Variants in PPP2R1A observed in about 807,000 individuals in gnomAD.
The protein encoded by PPP2R1A is protein phosphatase 2 scaffold subunit Aalpha, also known as serine/threonine-protein phosphatase 2A 65 kDa regulatory subunit A alpha isoform.
PPP2R1A carries 15 observed loss-of-function variants against 67.1 expected under a neutral mutation model. The observed-to-expected ratio is 0.22, with a 90% CI of 0.15 to 0.34. The LOEUF (loss-of-function observed/expected upper bound fraction) is 0.34. Among genes scored for constraint, PPP2R1A ranks in the 10% least tolerant of loss-of-function variants. The probability of loss-of-function intolerance (pLI) is 1.00; values close to 1 mark genes in which losing one functional copy is unlikely to be tolerated. For missense variants in PPP2R1A, 369 were observed against 775.0 expected, an observed-to-expected ratio of 0.48 and a Z score of 6.22; for synonymous variants, 337 against 325.0, an observed-to-expected ratio of 1.04 and a Z score of -0.40.
rs1001214251 is a variant in PPP2R1A, at chr19:52,228,127, T to C, written c.*2146T>C. The C allele has an allele frequency of 1.3e-5, 2 of 152,178 alleles. No individual in the cohort carries two copies. Among genetic ancestry groups the C allele is most frequent in the South Asian group, 4.1e-4 (2 of 4,828 alleles). 9.4% of individuals were successfully genotyped at this position (152,178 alleles called of 1,614,324 possible). On this transcript the variant is annotated 3_prime_UTR_variant, in exon 15 of 15. Coordinates refer to ENST00000322088, the MANE Select transcript of PPP2R1A (RefSeq NM_014225.6). ...TATGGCTCAGAGGTGGGGTCTACAA[T>C]TGGACATGTGTATGTAGACAAGGCT... is the stretch of plus-strand genomic sequence containing the variant.
intron 3 of PPP2R1A, among the ~76,000 whole-genome samples, chr19:52,208,226 T>C (rs1033545621): frequency 2.0e-5 from 3 of 152,300 alleles, no homozygotes; most frequent in African/African-American, 4.8e-5. Flanking sequence ...TGGAGTGCAG[T>C]GGCGGGATCT....
Position 52,216,642 on chromosome 19 carries a change from C to T in PPP2R1A, c.1107C>T (p.Phe369=). 1 of 1,614,174 alleles carries T rather than the reference C, an allele frequency of 6.2e-7. No individual in the cohort carries two copies. The part of the protein sequence containing the change: ...DNTIEHLLPL[F]LAQLKDECPE... Reference sequence around the variant, plus strand: ...CCATCGAGCACCTCTTGCCCCTCTTCCTGGCTCAGCTGAAGGATGAGGTAA... The same window carrying T: ...CCATCGAGCACCTCTTGCCCCTCTTTCTGGCTCAGCTGAAGGATGAGGTAA... Residue 369 remains phenylalanine, a synonymous_variant, in exon 9 of 15, where the codon TTC becomes TTT. Transcript: ENST00000322088. This position sits in a 1 kb window ranked among gnomAD's most constrained non-coding sequence, Gnocchi z 4.3.
In PPP2R1A at chr19:52,220,969, C is replaced by T. The variant is rs1408716517; in HGVS notation, c.1364-10C>T. ...AAATCCCTGTCTCTCTCACCCTCAC[C>T]CTTCTGCAGTATATGCCATCCGCGA... On this transcript the variant is annotated splice_polypyrimidine_tract_variant and intron_variant, in intron 11 of 14. Transcript: ENST00000322088. 6.2e-7 allele frequency: 1 copy of T among 1,614,040 alleles called. No individual in the cohort carries two copies. The highest frequency in any genetic ancestry group is 8.5e-7 in the Non-Finnish European group (1 of 1,179,896).
intron 1 of PPP2R1A, among the ~76,000 whole-genome samples, chr19:52,192,144 A>G (rs1002729585): frequency 4.6e-5 from 7 of 152,058 alleles, no homozygotes; most frequent in African/African-American, 1.7e-4. Flanking sequence ...ACACGCCTGA[A>G]AGCAGAGGGC....
At position 52,222,258 on chromosome 19, in the gene PPP2R1A, C is replaced by A. The variant is rs963838926; in HGVS notation, c.1661+17C>A. On this transcript the variant is annotated intron_variant, in intron 13 of 14. Transcript: ENST00000322088. ...GGACAACAGGTGAGGTCTGGATACT[C>A]CCCCACACACTGGCAGGGGCTTCTT... The A allele has an allele frequency of 1.9e-6, 3 of 1,608,252 alleles. No homozygotes were observed. Among genetic ancestry groups the A allele is most frequent in the African/African-American group, 2.7e-5 (2 of 74,702 alleles).
intron 1 of PPP2R1A, among the ~76,000 whole-genome samples, chr19:52,196,938 T>C (rs1436334114): frequency 6.6e-6 from 1 of 152,210 alleles, no homozygotes; most frequent in Non-Finnish European, 1.5e-5. Flanking sequence ...TTGGATTTTA[T>C]TGGCCAGATG....
rs1224555880 is a variant in PPP2R1A, at chr19:52,227,845, T to G, written c.*1864T>G. On this transcript the variant is annotated 3_prime_UTR_variant, in exon 15 of 15. Coordinates refer to ENST00000322088, the MANE Select transcript of PPP2R1A (RefSeq NM_014225.6). Reference sequence around the variant, plus strand: ...TCAAAGTCTGACATTAAACTTTGACTTTCCCCATGGTTAACGCTGCTGGTC... The same window carrying G: ...TCAAAGTCTGACATTAAACTTTGACGTTCCCCATGGTTAACGCTGCTGGTC... 2.0e-5 allele frequency: 3 copies of G among 152,182 alleles called. No homozygotes were observed. The highest frequency in any genetic ancestry group is 4.4e-5 in the Non-Finnish European group (3 of 68,036). The allele number at this position is 152,182 out of a possible 1,614,324, so 9.4% of individuals were successfully genotyped here. A position where few individuals can be genotyped will look rare whatever the true frequency, so the allele number is the denominator to read the frequency against.
chr19:52,222,262 C>T (rs1978983968), intron 13 of PPP2R1A, 21 bp downstream of exon 13: 1 of 1,607,950 alleles, frequency 6.2e-7, no homozygotes, highest in East Asian at 2.2e-5. Context: ...GATACTCCCC[C>T]ACACACTGGC....
chr19:52,210,571 C>T (rs2089657283), intron 3 of PPP2R1A, among the ~76,000 whole-genome samples: 1 of 150,414 alleles, frequency 6.6e-6, no homozygotes, highest in South Asian at 2.1e-4. Context: ...CGGCTTACTG[C>T]AGCCTCTGCC....
At chr19:52,225,917 C>T in intron 14 of PPP2R1A, 48 bp from the exon 15 acceptor site, 1 of 1,614,150 alleles carries the variant, frequency 6.2e-7, no homozygotes, top group Non-Finnish European at 8.5e-7. Flanking sequence ...GCATTGTGGG[C>T]AGAGAGAGGG....
At chr19:52,195,343 C>G (rs1453600073) in intron 1 of PPP2R1A, among the ~76,000 whole-genome samples, 1 of 152,188 alleles carries the variant, frequency 6.6e-6, no homozygotes, top group Non-Finnish European at 1.5e-5. Context: ...CCTATTCTCT[C>G]ACTTAACACA....
Position 52,212,642 on chromosome 19 carries a change from G to C in PPP2R1A, c.504-44G>C, listed in dbSNP as rs2122333753. ...GCAGAGTCTGTGCTTGCTCCTCTCT[G>C]CCATACTGCCTGCTGCCTCAGGATC... On this transcript the variant is annotated intron_variant, in intron 4 of 14. Coordinates refer to ENST00000322088, the MANE Select transcript of PPP2R1A (RefSeq NM_014225.6). The surrounding 1 kb of genome is among the most constrained non-coding windows in gnomAD (Gnocchi z 4.1). 1 of 1,601,714 alleles carries C rather than the reference G, an allele frequency of 6.2e-7. No individual in the cohort carries two copies. Among genetic ancestry groups the C allele is most frequent in the Non-Finnish European group, 8.5e-7 (1 of 1,178,592 alleles).
intron 2 of PPP2R1A, among the ~76,000 whole-genome samples, chr19:52,202,282 G>C (rs1436835211): frequency 2.0e-5 from 3 of 150,134 alleles, no homozygotes; most frequent in African/African-American, 7.3e-5. Flanking sequence ...AGCTCCAACA[G>C]TTGGAAGCTG....
At chr19:52,208,182 T>C (rs1048219408) in intron 3 of PPP2R1A, among the ~76,000 whole-genome samples, 1 of 152,152 alleles carries the variant, frequency 6.6e-6, no homozygotes, top group South Asian at 2.1e-4. Flanking sequence ...TTTGTTTTTT[T>C]CCCGAGATGG....
At chr19:52,220,457 T>C (rs1978848365) in intron 11 of PPP2R1A, among the ~76,000 whole-genome samples, 2 of 152,014 alleles carry the variant, frequency 1.3e-5, no homozygotes, top group Admixed American at 1.3e-4. Context: ...GGTTGCCTGG[T>C]ATAGTGGAGA....
rs1455315952 is a variant in PPP2R1A, at chr19:52,228,781, ACTT to A, written c.*2804_*2806del. On this transcript the variant is annotated 3_prime_UTR_variant, in exon 15 of 15. Coordinates refer to ENST00000322088, the MANE Select transcript of PPP2R1A (RefSeq NM_014225.6). Reference sequence around the variant, plus strand: ...TTTTGTCTCCTTTTGTGATGACTGCACTTCTTTGGCTGTTTTTGCCAACAGCCT... The same window carrying A: ...TTTTGTCTCCTTTTGTGATGACTGCACTTTGGCTGTTTTTGCCAACAGCCT... 6.6e-6 allele frequency: 1 copy of A among 152,260 alleles called. No individual in the cohort carries two copies. Among genetic ancestry groups the A allele is most frequent in the Non-Finnish European group, 1.5e-5 (1 of 68,090 alleles). The allele number at this position is 152,260 out of a possible 1,614,324, so 9.4% of individuals were successfully genotyped here.
rs62109210 is a variant in PPP2R1A, at chr19:52,216,954, C to T, written c.1128+291C>T. On this transcript the variant is annotated intron_variant, in intron 9 of 14. Coordinates refer to ENST00000322088, the MANE Select transcript of PPP2R1A (RefSeq NM_014225.6). This position sits in a 1 kb window ranked among gnomAD's most constrained non-coding sequence, Gnocchi z 4.3. ...CCTGTAATCCCAGCACTTTGGGAGG[C>T]TGAGGCGGGTGGATCACCTGAGGTC... 0.069 allele frequency among the ~76,000 whole-genome samples: 10,431 copies of T among 152,214 alleles called. 402 individuals are homozygous for T. Among genetic ancestry groups the T allele is most frequent in the Middle Eastern group, 0.12 (36 of 294 alleles).
chr19:52,196,467 T>C (rs1438948991), intron 1 of PPP2R1A, among the ~76,000 whole-genome samples: 2 of 152,158 alleles, frequency 1.3e-5, no homozygotes, highest in Non-Finnish European at 2.9e-5. Context: ...CTGCACTTTT[T>C]AGTGCAGTTT....
rs143553303 is a variant in PPP2R1A, at chr19:52,210,939, G to A, written c.271-321G>A. 3.5e-3 allele frequency among the ~76,000 whole-genome samples: 532 copies of A among 152,282 alleles called. 14 individuals are homozygous for A. In the East Asian group the frequency reaches 0.061, roughly 17 times the overall value. ...CAGTGATGATCATTGCACTTTGAGA[G>A]GCTAAGAACTTTCTCCTCAGAAAGC... On this transcript the variant is annotated intron_variant, in intron 3 of 14. Coordinates refer to ENST00000322088, the MANE Select transcript of PPP2R1A (RefSeq NM_014225.6).
Sources: allele counts gnomAD v4.1 joint callset (sites outside exome capture counted in the v4.1 genomes callset), GRCh38; gene constraint gnomAD v4.1.1; non-coding constraint Gnocchi (gnomAD v3.1); transcripts MANE v1.5; gene names NCBI Gene and HGNC (gene_info 2026-07-23, HGNC 2026-07-21).